Variants in MAOB observed in about 807,000 individuals in gnomAD.
The protein encoded by MAOB is amine oxidase [flavin-containing] B.
MAOB carries 15 observed loss-of-function variants against 41.9 expected under a neutral mutation model. That is an observed-to-expected ratio of 0.36 (90% confidence interval 0.24 to 0.55). The LOEUF (loss-of-function observed/expected upper bound fraction) is 0.55. Ranked by LOEUF, MAOB falls within the 20% of genes least tolerant of loss-of-function variation. MAOB has a pLI of 0.86. For synonymous variants in MAOB, 167 were observed against 144.2 expected, an observed-to-expected ratio of 1.16 and a Z score of -1.13; for missense variants, 345 against 398.7, an observed-to-expected ratio of 0.87 and a Z score of 1.15.
intron 12 of MAOB, among the ~76,000 whole-genome samples, chrX:43,774,680 G>T (rs1018339791): frequency 9.0e-6 from 1 of 111,593 alleles, no homozygotes; most frequent in Non-Finnish European, 1.9e-5. Context: ...TTTTGTCCCC[G>T]TGTTGGCAGT....
intron 3 of MAOB, among the ~76,000 whole-genome samples, chrX:43,811,313 C>T (rs1245169309): frequency 9.0e-6 from 1 of 111,433 alleles, no homozygotes; most frequent in Non-Finnish European, 1.9e-5. Context: ...TGGACCCAGT[C>T]CCTGTCAGTA....
intron 11 of MAOB, 86 bp downstream of exon 11, chrX:43,778,596 C>CA (rs1286245726): frequency 2.8e-5 from 21 of 755,246 alleles, no homozygotes; most frequent in Non-Finnish European, 3.4e-5. Flanking sequence ...CTTCAGGACC[C>CA]AACTTGCATT....
chrX:43,818,384 T>C (rs2034843900), intron 3 of MAOB, among the ~76,000 whole-genome samples: 1 of 112,090 alleles, frequency 8.9e-6, no homozygotes, highest in South Asian at 3.7e-4. Context: ...AGGATAAACA[T>C]CTTCGCCAGG....
At chrX:43,879,661 A>G in intron 1 of MAOB, among the ~76,000 whole-genome samples, 1 of 111,258 alleles carries the variant, frequency 9.0e-6, no homozygotes, top group East Asian at 2.8e-4. Flanking sequence ...TAATATCACC[A>G]TCAGATGTGA....
At chrX:43,787,197 T>C (rs1298925640) in intron 8 of MAOB, among the ~76,000 whole-genome samples, 1 of 111,176 alleles carries the variant, frequency 9.0e-6, no homozygotes, top group Admixed American at 9.6e-5. Context: ...AAAGAAGCCA[T>C]TGTAGCTCTG....
At chrX:43,782,159 A>G (rs2034341852) in intron 8 of MAOB, among the ~76,000 whole-genome samples, 1 of 111,428 alleles carries the variant, frequency 9.0e-6, no homozygotes, top group Admixed American at 9.6e-5. Context: ...TGAAGGAGAC[A>G]GAGACACAAA....
chrX:43,775,023 T>A, intron 12 of MAOB, 152 bp downstream of exon 12: 2 of 861,293 alleles, frequency 2.3e-6, no homozygotes, highest in Non-Finnish European at 3.0e-6. Context: ...AGATACACGA[T>A]TTCATTCATA....
chrX:43,816,509 A>C (rs1303192184), intron 3 of MAOB, among the ~76,000 whole-genome samples: 1 of 111,955 alleles, frequency 8.9e-6, no homozygotes, highest in Non-Finnish European at 1.9e-5. Flanking sequence ...AGCAGCCAGC[A>C]AAGGAGCCCT....
rs1291164071 is a variant in MAOB at position 43,846,180 on chromosome X, T to G, written c.47-2416A>C. On this transcript the variant is annotated intron_variant, in intron 1 of 14. Coordinates refer to ENST00000378069, the MANE Select transcript of MAOB (RefSeq NM_000898.5). The stretch of plus-strand genomic sequence containing the variant: ...AATAACATGCAGCCATAGTAACAGC[T>G]ATTATCACTGAATTTAGATAAACCG... 2.7e-5 allele frequency among the ~76,000 whole-genome samples: 3 copies of G among 112,785 alleles called. No homozygotes were observed. The East Asian group carries it at 8.3e-4, about 31-fold the overall frequency.
At chrX:43,868,090 C>A (rs1023469149) in intron 1 of MAOB, among the ~76,000 whole-genome samples, 8 of 112,042 alleles carry the variant, frequency 7.1e-5, no homozygotes, top group African/African-American at 2.6e-4. Flanking sequence ...TCTGAAGCAA[C>A]CTTTAAACCT....
rs191687620 is a variant in MAOB at position 43,775,654 on chromosome X, A to T, written c.1138-382T>A. Among the ~76,000 whole-genome samples, 47 of 112,183 alleles carry T rather than the reference A, an allele frequency of 4.2e-4. No individual in the cohort carries two copies. In the East Asian group the frequency reaches 0.01, roughly 24 times the overall value. ...ACTGGATAGGAAAAAAAGACAGAAAAATATGTCTGTTGAAGAAAAAGGATT... is the reference window on the plus strand; with the variant it reads ...ACTGGATAGGAAAAAAAGACAGAAATATATGTCTGTTGAAGAAAAAGGATT... On this transcript the variant is annotated intron_variant, in intron 11 of 14. Coordinates refer to ENST00000378069, the MANE Select transcript of MAOB (RefSeq NM_000898.5).
At chrX:43,868,048 C>T (rs965645103) in intron 1 of MAOB, among the ~76,000 whole-genome samples, 4 of 111,958 alleles carry the variant, frequency 3.6e-5, no homozygotes, top group Non-Finnish European at 1.9e-5. Context: ...TTCACTAATG[C>T]CTTTAATTTT....
At chrX:43,849,830 G>A (rs1365800646) in intron 1 of MAOB, among the ~76,000 whole-genome samples, 1 of 112,817 alleles carries the variant, frequency 8.9e-6, no homozygotes, top group African/African-American at 3.2e-5. Context: ...ATAAATGGCT[G>A]TAGTGATCAG....
intron 5 of MAOB, among the ~76,000 whole-genome samples, chrX:43,800,199 G>T (rs1440034960): frequency 4.5e-5 from 5 of 110,579 alleles, no homozygotes; most frequent in Non-Finnish European, 7.6e-5. Flanking sequence ...CTAGGCCAAG[G>T]GCTACGATAG....
intron 3 of MAOB, among the ~76,000 whole-genome samples, chrX:43,826,102 A>G (rs1382282352): frequency 8.9e-6 from 1 of 112,258 alleles, no homozygotes; most frequent in Non-Finnish European, 1.9e-5. Context: ...AAGCTCCACA[A>G]GAGCAGGGAT....
chrX:43,826,614 A>C (rs1398922364), intron 3 of MAOB, among the ~76,000 whole-genome samples: 3 of 112,443 alleles, frequency 2.7e-5, no homozygotes, highest in Non-Finnish European at 5.6e-5. Flanking sequence ...GGGAAGTCCA[A>C]GAACAAGGTG....
intron 1 of MAOB, among the ~76,000 whole-genome samples, chrX:43,881,015 G>A (rs1351263158): frequency 1.8e-5 from 2 of 112,944 alleles, no homozygotes; most frequent in African/African-American, 6.4e-5. Flanking sequence ...ACACAGCCTT[G>A]GCCAACCTCA....
intron 5 of MAOB, among the ~76,000 whole-genome samples, chrX:43,801,869 T>A (rs2034598876): frequency 8.9e-6 from 1 of 112,930 alleles, no homozygotes; most frequent in Admixed American, 9.3e-5. Flanking sequence ...ACTTAATAAA[T>A]GAGAGCTTTA....
intron 1 of MAOB, among the ~76,000 whole-genome samples, chrX:43,867,121 T>C (rs981158970): frequency 8.9e-6 from 1 of 112,046 alleles, no homozygotes; most frequent in Non-Finnish European, 1.9e-5. Context: ...TTCATGTGTA[T>C]GAAAATAAGT....
Sources: gnomAD v4.1 joint callset for allele counts (sites outside exome capture counted in the v4.1 genomes callset) on GRCh38, gnomAD v4.1.1 for gene constraint, MANE v1.5 for transcripts, NCBI Gene and HGNC (gene_info 2026-07-23, HGNC 2026-07-21) for gene names.